Variants in ULK2 observed in about 807,000 individuals in gnomAD.
The protein encoded by ULK2 is serine/threonine-protein kinase ULK2.
In ULK2, 76 loss-of-function variants were observed where a neutral mutation model predicts 127.5. That is an observed-to-expected ratio of 0.60 (90% CI 0.50 to 0.72). ULK2 has a LOEUF of 0.72. ULK2 is among the 30% of genes least tolerant of loss of function. The probability of loss-of-function intolerance (pLI) is 0.00; values close to 1 mark genes in which losing one functional copy is unlikely to be tolerated. For synonymous variants in ULK2, 452 were observed against 461.9 expected (o/e 0.98, Z 0.28); for missense variants, 1,144 against 1,295.9 (o/e 0.88, Z 1.80).
At chr17:19,826,001 A>AT (rs55858650) in intron 11 of ULK2, 138 bp downstream of exon 11, 255 of 127,912 alleles carry the variant, frequency 2.0e-3, no homozygotes, top group South Asian at 0.015. Context: ...AAAAAAAAAA[A>AT]AAATAAATAA....
chr17:19,843,612 T>G (rs1297644727), intron 7 of ULK2, among the ~76,000 whole-genome samples: 1 of 151,018 alleles, frequency 6.6e-6, no homozygotes, highest in Non-Finnish European at 1.5e-5. Flanking sequence ...GGAAATGCAA[T>G]CAGGGAGAGG....
At chr17:19,825,778 G>A (rs1449506592) in intron 11 of ULK2, among the ~76,000 whole-genome samples, 4 of 151,360 alleles carry the variant, frequency 2.6e-5, no homozygotes, top group Non-Finnish European at 4.4e-5. Flanking sequence ...CCTGAGGTCC[G>A]GAGTTCGAGA....
chr17:19,785,860 T>A (rs2087017162), intron 21 of ULK2, 77 bp downstream of exon 21: 1 of 1,534,056 alleles, frequency 6.5e-7, no homozygotes. Context: ...TTGTCCAAGT[T>A]ACAACACTGA....
At chr17:19,831,402 A>G (rs395130) in intron 10 of ULK2, among the ~76,000 whole-genome samples, 136,084 of 152,114 alleles carry the variant, frequency 0.89, 61,594 homozygotes, top group Non-Finnish European at 0.97. Context: ...GAGTCAAAGA[A>G]GTCATAAAGG....
intron 19 of ULK2, 115 bp from the exon 20 acceptor site, chr17:19,795,840 T>C (rs1427735947): frequency 1.9e-6 from 2 of 1,049,662 alleles, no homozygotes; most frequent in South Asian, 1.5e-5. Flanking sequence ...CAATTCAGGG[T>C]AGAGATAAAC....
Position 19,816,855 on chromosome 17 carries a change from G to A in ULK2, c.990C>T (p.Asn330=). ...NLSSPPLGPP[N]YLQVSKDSAS... is the part of the protein sequence containing the mutation. ...CAGAATCTTTGGAAACTTGTAGATA[G>A]TTGGGAGGACCCAATGGTGGGGAAG... Residue 330 remains asparagine (N), a synonymous_variant, in exon 13 of 27, where the codon AAC becomes AAT. Coordinates refer to ENST00000395544, the MANE Select transcript of ULK2 (RefSeq NM_014683.4). The A allele has an allele frequency of 2.5e-6, 4 of 1,612,644 alleles. No homozygotes were observed. The highest frequency in any genetic ancestry group is 3.4e-6 in the Non-Finnish European group (4 of 1,179,548).
chr17:19,820,822 T>G (rs1018940479), intron 12 of ULK2, among the ~76,000 whole-genome samples: 4 of 152,100 alleles, frequency 2.6e-5, no homozygotes, highest in South Asian at 2.1e-4. Flanking sequence ...TTAATCTAAT[T>G]TTGATGTTCC....
chr17:19,826,022 A>AAATAAATAAATAAATAAATT (rs1423228124), intron 11 of ULK2, 117 bp downstream of exon 11: 1 of 299,566 alleles, frequency 3.3e-6, no homozygotes, highest in East Asian at 6.4e-5. Context: ...ATAAATAAAT[A>AAATAAATAAATAAATAAATT]AATTCAATGA....
At chr17:19,845,197 T>TG (rs1351818796) in intron 7 of ULK2, 107 bp downstream of exon 7, 1 of 970,356 alleles carries the variant, frequency 1.0e-6, no homozygotes, top group Non-Finnish European at 1.6e-6. Flanking sequence ...AATAACAACT[T>TG]GGACTATATG....
chr17:19,815,876 A>G (rs1772223296), intron 13 of ULK2, among the ~76,000 whole-genome samples: 1 of 152,192 alleles, frequency 6.6e-6, no homozygotes, highest in Admixed American at 6.5e-5. Context: ...AAAAAGAAAA[A>G]AGAAAAAAAA....
rs776111174 is a variant in ULK2 at position 19,799,521 on chromosome 17, T to G, written c.1496A>C (p.His499Pro). ...TGAGGAGTTTCTACTCCTGGAGTCA[T>G]GGCCCTGAGGATGCCCACAGCAGCA... ...SQCCCGHPQGHDSRSRNSSGS... is the reference protein window; with the variant it reads ...SQCCCGHPQGPDSRSRNSSGS... Residue 499 changes from histidine (H) to proline (P), a missense_variant, in exon 17 of 27, where the codon CAT becomes CCT. By Grantham distance (77) the His-to-Pro change is moderately conservative. Coordinates refer to ENST00000395544, the MANE Select transcript of ULK2 (RefSeq NM_014683.4). The G allele has an allele frequency of 6.3e-7, 1 of 1,582,930 alleles. No individual in the cohort carries two copies. Among genetic ancestry groups the G allele is most frequent in the Non-Finnish European group, 8.5e-7 (1 of 1,170,952 alleles).
At chr17:19,835,954 C>T (rs764126783) in intron 10 of ULK2, among the ~76,000 whole-genome samples, 2 of 151,388 alleles carry the variant, frequency 1.3e-5, no homozygotes, top group Non-Finnish European at 2.9e-5. Context: ...AGACCCTATC[C>T]CTACAAAAGG....
chr17:19,826,837 G>T (rs1567706589), intron 10 of ULK2, among the ~76,000 whole-genome samples: 1 of 151,962 alleles, frequency 6.6e-6, no homozygotes, highest in Admixed American at 6.6e-5. Context: ...GGCGCCTGTA[G>T]TCCCAGCTAC....
chr17:19,847,532 G>C (rs1363667155), intron 5 of ULK2, among the ~76,000 whole-genome samples: 1 of 152,072 alleles, frequency 6.6e-6, no homozygotes, highest in Non-Finnish European at 1.5e-5. Flanking sequence ...TTATTTGAAA[G>C]TAGTGAGTCA....
At chr17:19,776,586 T>A (rs2152380389) in intron 26 of ULK2, among the ~76,000 whole-genome samples, 179 bp from the exon 27 acceptor site, 1 of 152,272 alleles carries the variant, frequency 6.6e-6, no homozygotes, top group East Asian at 1.9e-4. Flanking sequence ...GGTAAGCACA[T>A]CAGCTAGCTT....
intron 7 of ULK2, 52 bp from the exon 8 acceptor site, chr17:19,843,274 T>C (rs1358887708): frequency 1.7e-6 from 2 of 1,195,116 alleles, no homozygotes; most frequent in Non-Finnish European, 2.3e-6. Context: ...ACATAATTAA[T>C]ATGCACATAT....
At position 19,776,384 on chromosome 17, in the gene ULK2, G is replaced by A. The variant is rs762768411; in HGVS notation, c.3076C>T (p.Leu1026=). The part of the protein sequence containing the change: ...HKYKCSIERR[L]SALCHSTATV ...GCGGTGCTATGGCAGAGCGCCGACAGTCTTCTCTCAATACTACATTTATCT... is the reference window on the plus strand; with the variant it reads ...GCGGTGCTATGGCAGAGCGCCGACAATCTTCTCTCAATACTACATTTATCT... The change falls in exon 27 of 27, where the codon CTG becomes TTG. Residue 1026 remains leucine (L), a synonymous_variant. Coordinates refer to ENST00000395544, the MANE Select transcript of ULK2 (RefSeq NM_014683.4). The A allele has an allele frequency of 5.6e-6, 9 of 1,604,292 alleles. No individual in the cohort carries two copies. The East Asian group carries it at 1.8e-4, about 32-fold the overall frequency.
chr17:19,827,491 G>A (rs2041323893), intron 10 of ULK2, among the ~76,000 whole-genome samples: 2 of 152,172 alleles, frequency 1.3e-5, no homozygotes, highest in African/African-American at 4.8e-5. Flanking sequence ...ATTACTACAG[G>A]AAAAGTCAAA....
Position 19,777,692 on chromosome 17 carries a change from T to G in ULK2, c.2941A>C (p.Met981Leu). The change falls in exon 26 of 27, where the codon ATG (methionine) becomes CTG (leucine). Residue 981 changes from methionine to leucine, a missense_variant. By Grantham distance (15) the Met-to-Leu change is conservative. Coordinates refer to ENST00000395544, the MANE Select transcript of ULK2 (RefSeq NM_014683.4). ...ACAATATCTTCGGTCTGCTGAAACA[T>G]CTCATCCAGGGCTGCAGACTGAACC... ...EMVQSAALDE[M>L]FQQTEDIVYR... 1 of 1,613,552 alleles carries G rather than the reference T, an allele frequency of 6.2e-7. No individual in the cohort carries two copies. The highest frequency in any genetic ancestry group is 8.5e-7 in the Non-Finnish European group (1 of 1,179,892).
Sources: gnomAD v4.1 joint callset for allele counts (sites outside exome capture counted in the v4.1 genomes callset) on GRCh38, gnomAD v4.1.1 for gene constraint, MANE v1.5 for transcripts, NCBI Gene and HGNC (gene_info 2026-07-23, HGNC 2026-07-21) for gene names.